Variants in RORA observed in about 807,000 individuals in gnomAD.
RORA encodes nuclear receptor ROR-alpha.
Under a neutral mutation model 69.5 loss-of-function variants are expected in RORA, and 7 were observed. That is an observed-to-expected ratio of 0.10 (90% CI 0.06 to 0.19). The LOEUF (loss-of-function observed/expected upper bound fraction) is 0.19, where lower values mean the gene tolerates loss of function less well. Ranked by LOEUF, RORA falls within the 10% of genes least tolerant of loss-of-function variation. RORA has a pLI of 1.00. For missense variants in RORA, 457 were observed against 663.0 expected (o/e 0.69, Z 3.41); for synonymous variants, 261 against 240.8 (o/e 1.08, Z -0.78).
At chr15:61,006,861 G>C (rs1283787748) in intron 1 of RORA, among the ~76,000 whole-genome samples, 1 of 151,972 alleles carries the variant, frequency 6.6e-6, no homozygotes, top group Non-Finnish European at 1.5e-5. Context: ...TATTACAGGG[G>C]TTTTCAAACT....
intron 1 of RORA, among the ~76,000 whole-genome samples, chr15:61,031,098 T>C (rs1020433432): frequency 2.0e-5 from 3 of 152,188 alleles, no homozygotes; most frequent in Non-Finnish European, 4.4e-5. Flanking sequence ...ATTGTCACTC[T>C]CTTGACAAGA....
chr15:60,751,717 C>T (rs2056581040), intron 1 of RORA, among the ~76,000 whole-genome samples: 1 of 152,140 alleles, frequency 6.6e-6, no homozygotes, highest in Admixed American at 6.6e-5. Context: ...CTCTCGGCAC[C>T]AGGTTGAGCT....
chr15:60,803,238 A>G (rs2072612218), intron 1 of RORA, among the ~76,000 whole-genome samples: 1 of 152,234 alleles, frequency 6.6e-6, no homozygotes, highest in South Asian at 2.1e-4. Context: ...CTGTTGGCTG[A>G]AACCTTGCCT....
At chr15:60,996,152 C>A (rs928548193) in intron 1 of RORA, among the ~76,000 whole-genome samples, 11 of 151,516 alleles carry the variant, frequency 7.3e-5, no homozygotes, top group Admixed American at 2.6e-4. Context: ...CTCACTGCAA[C>A]CTCTGCCTCC....
At chr15:61,086,460 C>T (rs1403402264) in intron 1 of RORA, among the ~76,000 whole-genome samples, 3 of 152,144 alleles carry the variant, frequency 2.0e-5, no homozygotes, top group Non-Finnish European at 4.4e-5. Context: ...GTTCTCAGCC[C>T]CTCTACCTGT....
In RORA at chr15:60,586,954, C is replaced by T. The variant is rs371046376; in HGVS notation, c.197-55103G>A. On this transcript the variant is annotated intron_variant, in intron 2 of 10. Transcript: ENST00000335670. ...AAACGATTTCTCAAGAATAGATCTA[C>T]AATCATGCCCCTAAGCTGTCATGAA... 4.8e-4 allele frequency among the ~76,000 whole-genome samples: 73 copies of T among 152,276 alleles called. 1 individual carries two copies. The highest frequency in any genetic ancestry group is 1.6e-3 in the African/African-American group (66 of 41,558).
intron 1 of RORA, among the ~76,000 whole-genome samples, chr15:60,795,782 T>C (rs977343299): frequency 2.6e-5 from 4 of 152,086 alleles, no homozygotes; most frequent in Non-Finnish European, 5.9e-5. Context: ...CTCACCTCCA[T>C]CCCTACCAGA....
chr15:60,625,572 A>G (rs538308996), intron 2 of RORA, among the ~76,000 whole-genome samples: 1 of 152,364 alleles, frequency 6.6e-6, no homozygotes, highest in Admixed American at 6.5e-5. Context: ...TTATTAGGGG[A>G]TTAAATAACG....
intron 1 of RORA, among the ~76,000 whole-genome samples, chr15:60,949,451 A>T (rs990441238): frequency 6.6e-6 from 1 of 152,202 alleles, no homozygotes. Flanking sequence ...TTCAGCGCCC[A>T]GTATCACTAC....
At chr15:60,994,013 G>C (rs1041083191) in intron 1 of RORA, among the ~76,000 whole-genome samples, 1 of 152,136 alleles carries the variant, frequency 6.6e-6, no homozygotes, top group Non-Finnish European at 1.5e-5. Context: ...CCCTCATCTG[G>C]TATAAATGCA....
At chr15:60,665,340 A>C (rs939688045) in intron 2 of RORA, among the ~76,000 whole-genome samples, 3 of 152,232 alleles carry the variant, frequency 2.0e-5, no homozygotes, top group African/African-American at 7.2e-5. Context: ...GCCAATGGTA[A>C]CTGAAAATGG....
chr15:61,162,016 T>G (rs769278131), intron 1 of RORA, among the ~76,000 whole-genome samples: 1 of 152,134 alleles, frequency 6.6e-6, no homozygotes, highest in Non-Finnish European at 1.5e-5. Flanking sequence ...AAAATAGAAA[T>G]GTAGATATAT....
At chr15:61,192,470 C>T (rs1433688057) in intron 1 of RORA, among the ~76,000 whole-genome samples, 1 of 152,154 alleles carries the variant, frequency 6.6e-6, no homozygotes, top group East Asian at 1.9e-4. Flanking sequence ...AATGACATAC[C>T]TGCTACAAAA....
intron 1 of RORA, among the ~76,000 whole-genome samples, chr15:61,146,950 C>A (rs1232947270): frequency 6.6e-6 from 1 of 151,514 alleles, no homozygotes; most frequent in South Asian, 2.1e-4. Context: ...CAATAAAACA[C>A]GGGACAGAAA....
rs56676588 is a variant in RORA at position 61,078,329 on chromosome 15, CTGTGTGTGTG to C, written c.166+150714_166+150723del. Reference sequence around the variant, plus strand: ...CAGGCACGTGCCACCACACCTGGCTCTGTGTGTGTGTGTGTGTGTGTGTGTGTGTGTGTGT... The same window carrying C: ...CAGGCACGTGCCACCACACCTGGCTCTGTGTGTGTGTGTGTGTGTGTGTGT... On this transcript the variant is annotated intron_variant, in intron 1 of 10. Transcript: ENST00000335670. Among the ~76,000 whole-genome samples the C allele has an allele frequency of 7.7e-4, 103 of 133,244 alleles. 1 individual carries two copies. The highest frequency in any genetic ancestry group is 2.2e-3 in the South Asian group (8 of 3,568). The allele number at this position is 133,244 out of a possible 152,430, so 87.4% of individuals were successfully genotyped here. A position where few individuals can be genotyped will look rare whatever the true frequency, so the allele number is the denominator to read the frequency against.
intron 1 of RORA, among the ~76,000 whole-genome samples, chr15:60,841,969 G>A (rs79408510): frequency 0.017 from 2,579 of 152,208 alleles, 81 homozygotes; most frequent in East Asian, 0.11. Context: ...CCAGGAGAGA[G>A]AACAGCACTG....
chr15:61,182,080 A>G (rs1253598670), intron 1 of RORA, among the ~76,000 whole-genome samples: 1 of 152,186 alleles, frequency 6.6e-6, no homozygotes, highest in Non-Finnish European at 1.5e-5. Flanking sequence ...TAACACCCAG[A>G]CACCCTTCAT....
chr15:60,765,721 T>A (rs1332484539), intron 1 of RORA: 1 of 152,162 alleles, frequency 6.6e-6, no homozygotes, highest in Non-Finnish European at 1.5e-5. Context: ...AAGAGAAGCA[T>A]AAACAAGACC....
At chr15:61,024,914 C>T (rs968222915) in intron 1 of RORA, among the ~76,000 whole-genome samples, 22 of 152,154 alleles carry the variant, frequency 1.4e-4, no homozygotes, top group South Asian at 6.2e-4. Context: ...GACCCCTTTC[C>T]GCACTTGATG....
Sources: allele counts gnomAD v4.1 joint callset (sites outside exome capture counted in the v4.1 genomes callset), GRCh38; gene constraint gnomAD v4.1.1; transcripts MANE v1.5; gene names NCBI Gene and HGNC (gene_info 2026-07-23, HGNC 2026-07-21).